The following ZFHX3 variants were observed in gnomAD, a reference collection of about 807,000 sequenced individuals.
The protein encoded by ZFHX3 is zinc finger homeobox protein 3.
A neutral mutation model predicts 279.1 loss-of-function variants in ZFHX3; 42 were observed. That is an observed-to-expected ratio of 0.15 (90% confidence interval 0.12 to 0.19). ZFHX3 has a LOEUF of 0.19. Among genes scored for constraint, ZFHX3 ranks in the 10% least tolerant of loss-of-function variants. ZFHX3 has a pLI of 1.00. For missense variants in ZFHX3, 4,981 were observed against 4,754.0 expected (o/e 1.05, Z -1.40); for synonymous variants, 2,293 against 1,957.8 (o/e 1.17, Z -4.52).
At chr16:73,475,176 AAGAT>A (rs1391344124) in intron 2 of ZFHX3, among the ~76,000 whole-genome samples, 5 of 152,344 alleles carry the variant, frequency 3.3e-5, no homozygotes, top group African/African-American at 9.6e-5. Context: ...TTGAGAATAA[AAGAT>A]AGCGCTGGGA....
intron 1 of ZFHX3, among the ~76,000 whole-genome samples, chr16:72,978,776 A>T (rs1231131977): frequency 6.6e-6 from 1 of 152,186 alleles, no homozygotes; most frequent in Non-Finnish European, 1.5e-5. Flanking sequence ...ATGTCAACAA[A>T]CAAGAAAAGG....
At chr16:73,557,445 T>G (rs2020304353) in intron 2 of ZFHX3, among the ~76,000 whole-genome samples, 2 of 152,070 alleles carry the variant, frequency 1.3e-5, no homozygotes, top group Admixed American at 1.3e-4. Context: ...AGTAAAGGAA[T>G]GAAAGAATGG....
chr16:73,369,757 G>T (rs1318112165), intron 3 of ZFHX3, among the ~76,000 whole-genome samples: 1 of 152,096 alleles, frequency 6.6e-6, no homozygotes, highest in East Asian at 1.9e-4. Context: ...AAAGTTCAAG[G>T]TGATTCTGAT....
intron 5 of ZFHX3, among the ~76,000 whole-genome samples, chr16:73,244,548 C>A (rs2013224225): frequency 6.6e-6 from 1 of 152,168 alleles, no homozygotes; most frequent in Non-Finnish European, 1.5e-5. Flanking sequence ...GGAGGAGTTT[C>A]CAGGCTGTGG....
chr16:73,376,089 T>C (rs1284280574), intron 3 of ZFHX3, among the ~76,000 whole-genome samples: 1 of 152,222 alleles, frequency 6.6e-6, no homozygotes, highest in Non-Finnish European at 1.5e-5. Context: ...ATCCTGTTCC[T>C]CCTCCTTTCC....
intron 3 of ZFHX3, among the ~76,000 whole-genome samples, chr16:72,904,739 C>T (rs1342757828): frequency 6.6e-6 from 1 of 151,934 alleles, no homozygotes; most frequent in East Asian, 1.9e-4. Context: ...AGGCTTTATG[C>T]ATTGCACCTG....
intron 1 of ZFHX3, among the ~76,000 whole-genome samples, chr16:73,680,559 C>A (rs1597062364): frequency 6.6e-6 from 1 of 152,234 alleles, no homozygotes; most frequent in East Asian, 1.9e-4. Context: ...TAACCGGTTA[C>A]ATTTTAATTT....
intron 1 of ZFHX3, among the ~76,000 whole-genome samples, chr16:73,021,620 C>G (rs897682853): frequency 6.6e-6 from 1 of 151,552 alleles, no homozygotes; most frequent in Non-Finnish European, 1.5e-5. Flanking sequence ...CACCTGAGGT[C>G]AGGAGTTTGA....
intron 5 of ZFHX3, among the ~76,000 whole-genome samples, chr16:73,198,872 T>C (rs906859328): frequency 6.6e-6 from 1 of 152,174 alleles, no homozygotes; most frequent in African/African-American, 2.4e-5. Context: ...TACTTCAGAC[T>C]CTCCTTTTTA....
At chr16:73,596,313 G>A (rs60682958) in intron 2 of ZFHX3, among the ~76,000 whole-genome samples, 36,589 of 152,058 alleles carry the variant, frequency 0.24, 7,174 homozygotes, top group African/African-American at 0.54. Flanking sequence ...GTGAGCCAAC[G>A]CACCTGGCCT....
chr16:73,677,621 T>G (rs2052968056), intron 2 of ZFHX3, among the ~76,000 whole-genome samples: 1 of 151,962 alleles, frequency 6.6e-6, no homozygotes. Flanking sequence ...TTATTTTAAC[T>G]ATAACAATAT....
intron 1 of ZFHX3, among the ~76,000 whole-genome samples, chr16:73,889,100 G>A (rs933088031): frequency 6.6e-5 from 10 of 152,046 alleles, no homozygotes; most frequent in Non-Finnish European, 1.2e-4. Flanking sequence ...GATCCCCTTG[G>A]GCAGATCAAT....
chr16:73,345,331 C>A (rs879543534), intron 3 of ZFHX3, among the ~76,000 whole-genome samples: 18 of 151,854 alleles, frequency 1.2e-4, no homozygotes, highest in Non-Finnish European at 2.4e-4. Context: ...ACCTACCAAC[C>A]CATCACCTAG....
intron 2 of ZFHX3, among the ~76,000 whole-genome samples, chr16:73,508,221 T>A (rs12445121): frequency 0.072 from 11,020 of 152,196 alleles, 744 homozygotes; most frequent in Admixed American, 0.23. Context: ...GATGATAGGC[T>A]ATGTGCAAGC....
chr16:73,415,194 A>C (rs1214429107), intron 3 of ZFHX3, among the ~76,000 whole-genome samples: 1 of 152,190 alleles, frequency 6.6e-6, no homozygotes, highest in Non-Finnish European at 1.5e-5. Context: ...AATAATCAGT[A>C]ATTTCTAATT....
chr16:72,856,213 CCTGT>C (rs1327667246), intron 4 of ZFHX3, among the ~76,000 whole-genome samples: 1 of 152,226 alleles, frequency 6.6e-6, no homozygotes, highest in Non-Finnish European at 1.5e-5. Flanking sequence ...AGGCGCTGTA[CCTGT>C]CTGTCTGCAG....
intron 5 of ZFHX3, among the ~76,000 whole-genome samples, chr16:73,180,173 C>G (rs866099996): frequency 1.3e-5 from 2 of 152,190 alleles, no homozygotes; most frequent in African/African-American, 4.8e-5. Flanking sequence ...TGTTTCCAGC[C>G]AACTCTTGGA....
At chr16:73,822,516 CTTT>C (rs528330090) in intron 1 of ZFHX3, among the ~76,000 whole-genome samples, 37 of 146,790 alleles carry the variant, frequency 2.5e-4, no homozygotes, top group South Asian at 4.4e-4. Flanking sequence ...GCTGCTTTTG[CTTT>C]TTTTTTTTAA....
chr16:73,256,520 A>C (rs903468112), intron 5 of ZFHX3, among the ~76,000 whole-genome samples: 1 of 152,212 alleles, frequency 6.6e-6, no homozygotes, highest in African/African-American at 2.4e-5. Flanking sequence ...ACAACCTCAG[A>C]GATTCTGACT....
Sources: gnomAD v4.1 joint callset for allele counts (sites outside exome capture counted in the v4.1 genomes callset) on GRCh38, gnomAD v4.1.1 for gene constraint, MANE v1.5 for transcripts, NCBI Gene and HGNC (gene_info 2026-07-23, HGNC 2026-07-21) for gene names.